Variants in TNN observed in about 807,000 individuals in gnomAD.
The protein encoded by TNN is tenascin N.
TNN carries 122 observed loss-of-function variants against 134.4 expected under a neutral mutation model. The ratio of observed to expected loss-of-function variants is 0.91; its 90% CI spans 0.78 to 1.06. The LOEUF (loss-of-function observed/expected upper bound fraction) is 1.06, where lower values mean the gene tolerates loss of function less well. TNN is among the 50% of genes least tolerant of loss of function. The pLI is 0.00. For synonymous variants in TNN, 710 were observed against 670.3 expected (o/e 1.06, Z -0.91); for missense variants, 1,739 against 1,699.4 (o/e 1.02, Z -0.41).
intron 11 of TNN, 130 bp downstream of exon 11, chr1:175,118,954 G>A: frequency 1.6e-6 from 2 of 1,273,074 alleles, no homozygotes; most frequent in South Asian, 1.5e-5. Context: ...AGAGTTTGCT[G>A]TAAAAACAAA....
intron 10 of TNN, among the ~76,000 whole-genome samples, chr1:175,117,964 T>A (rs1054486362): frequency 4.6e-5 from 7 of 152,232 alleles, no homozygotes; most frequent in African/African-American, 1.7e-4. Flanking sequence ...GATGAGTGAA[T>A]CTATGATATG....
intron 11 of TNN, 137 bp from the exon 12 acceptor site, chr1:175,123,263 G>A: frequency 1.0e-6 from 1 of 986,910 alleles, no homozygotes; most frequent in Non-Finnish European, 1.5e-6. Flanking sequence ...GGAGACCAGG[G>A]GCCTTTGACT....
intron 1 of TNN, among the ~76,000 whole-genome samples, chr1:175,076,174 C>T (rs1251390403): frequency 6.6e-6 from 1 of 152,028 alleles, no homozygotes; most frequent in Non-Finnish European, 1.5e-5. Context: ...GTTGGGGGCA[C>T]AAGGGGAAAT....
intron 18 of TNN, among the ~76,000 whole-genome samples, chr1:175,144,894 C>A (rs1309607641): frequency 6.6e-6 from 1 of 152,342 alleles, no homozygotes; most frequent in East Asian, 1.9e-4. Flanking sequence ...CAAAATAACA[C>A]AGACCAGGTG....
intron 16 of TNN, among the ~76,000 whole-genome samples, chr1:175,136,274 A>G (rs578172688): frequency 1.3e-5 from 2 of 152,320 alleles, no homozygotes; most frequent in Non-Finnish European, 2.9e-5. Context: ...TCACTCTAGC[A>G]GTCTCTAAAA....
Position 175,080,213 on chromosome 1 carries a change from C to T in TNN, c.835C>T (p.Leu279=). The change falls in exon 4 of 19, where the codon CTG becomes TTG. Residue 279 remains leucine (L), a synonymous_variant. Transcript: ENST00000239462. The part of the protein sequence containing the change: ...QLLKNTEDSL[L]VSWEPSSQVD... The stretch of plus-strand genomic sequence containing the variant: ...GCTCAAGAACACGGAGGATTCTCTG[C>T]TGGTGAGCTGGGAGCCCTCCAGCCA... 6.2e-7 allele frequency: 1 copy of T among 1,614,124 alleles called. No homozygotes were observed. Among genetic ancestry groups the T allele is most frequent in the Non-Finnish European group, 8.5e-7 (1 of 1,180,006 alleles).
At position 175,126,955 on chromosome 1, in the gene TNN, A is replaced by T. The variant is rs1391411578; in HGVS notation, c.2915A>T (p.Glu972Val). The T allele has an allele frequency of 6.2e-7, 1 of 1,610,558 alleles. No individual in the cohort carries two copies. Among genetic ancestry groups the T allele is most frequent in the Non-Finnish European group, 8.5e-7 (1 of 1,179,042 alleles). ...SKKADTKAQT[E>V]LDPPRNLRPS... is the part of the protein sequence containing the mutation. ...CAATTACCTGACTTTCTACGTACAG[A>T]ACTCGACCCTCCCAGAAACCTTCGT... The change falls in exon 13 of 19, where the codon GAA becomes GTA. Residue 972 changes from glutamate to valine, a missense_variant and splice_region_variant. Coordinates refer to ENST00000239462, the MANE Select transcript of TNN (RefSeq NM_022093.2).
At position 175,117,286 on chromosome 1, in the gene TNN, A is replaced by G. The variant is rs552040175; in HGVS notation, c.2386+81A>G. On this transcript the variant is annotated intron_variant, in intron 10 of 18. Transcript: ENST00000239462. ...ACAAGTTTTGTTTTCCTTCTCTGAC[A>G]TTGGCAGAAGTCAATGATTAATGGA... 3.8e-6 allele frequency: 6 copies of G among 1,591,916 alleles called. 1 individual carries two copies. In the Admixed American group the frequency reaches 5.7e-5, roughly 15 times the overall value.
chr1:175,123,388 C>A lies in TNN; in HGVS notation c.2651-12C>A, dbSNP rs1398552450. The A allele has an allele frequency of 2.0e-5, 32 of 1,612,758 alleles. No homozygotes were observed. The highest frequency in any genetic ancestry group is 2.7e-5 in the Non-Finnish European group (32 of 1,179,648). On this transcript the variant is annotated splice_polypyrimidine_tract_variant and intron_variant, in intron 11 of 18. Coordinates refer to ENST00000239462, the MANE Select transcript of TNN (RefSeq NM_022093.2). ...TTCTAAAGTTCAGCCTTTTCTAAAT[C>A]TTTTTAAAAAGAAATTGACGGCCCC... is the stretch of plus-strand genomic sequence containing the variant.
intron 15 of TNN, among the ~76,000 whole-genome samples, chr1:175,133,314 G>A (rs1675720026): frequency 6.6e-6 from 1 of 152,166 alleles, no homozygotes. Flanking sequence ...TTGGTGAATG[G>A]CACCCAACTC....
intron 1 of TNN, 43 bp from the exon 2 acceptor site, chr1:175,077,341 A>T (rs74128565): frequency 6.8e-7 from 1 of 1,464,916 alleles, no homozygotes; most frequent in South Asian, 1.4e-5. Flanking sequence ...AGCTTCCCTC[A>T]GCACATCTCC....
At chr1:175,075,526 C>A (rs1674020244) in intron 1 of TNN, among the ~76,000 whole-genome samples, 1 of 152,142 alleles carries the variant, frequency 6.6e-6, no homozygotes, top group Non-Finnish European at 1.5e-5. Flanking sequence ...GAACTCCTGG[C>A]CTCAAGTGAT....
At chr1:175,098,730 C>T (rs1674641431) in intron 9 of TNN, 135 bp downstream of exon 9, 3 of 1,284,590 alleles carry the variant, frequency 2.3e-6, no homozygotes, top group Non-Finnish European at 3.2e-6. Context: ...ACATTGTGTC[C>T]CCCTCACTTC....
chr1:175,102,429 G>T (rs1043093767), intron 9 of TNN, among the ~76,000 whole-genome samples: 2 of 146,186 alleles, frequency 1.4e-5, no homozygotes, highest in African/African-American at 4.9e-5. Flanking sequence ...CGGGCTGCAG[G>T]TCCCGAGTCC....
intron 12 of TNN, among the ~76,000 whole-genome samples, chr1:175,125,312 C>G (rs1675478270): frequency 6.6e-6 from 1 of 151,978 alleles, no homozygotes; most frequent in Non-Finnish European, 1.5e-5. Flanking sequence ...AAATAACCTT[C>G]TATGATAATG....
intron 17 of TNN, among the ~76,000 whole-genome samples, chr1:175,137,839 A>G (rs574006400): frequency 9.8e-5 from 15 of 152,382 alleles, no homozygotes; most frequent in African/African-American, 3.6e-4. Context: ...TGTATAAGAC[A>G]TGGCGGTCTC....
chr1:175,128,875 G>T, intron 15 of TNN, 129 bp downstream of exon 15: 1 of 1,063,992 alleles, frequency 9.4e-7, no homozygotes, highest in Non-Finnish European at 1.2e-6. Context: ...GAGGAGTTTT[G>T]GTGGCTTGTA....
At chr1:175,102,662 T>C (rs6678101) in intron 9 of TNN, among the ~76,000 whole-genome samples, 86,828 of 144,016 alleles carry the variant, frequency 0.6, 32,424 homozygotes, top group African/African-American at 0.89. Flanking sequence ...TGCGCAGCCC[T>C]GGTTCCCACT....
At chr1:175,142,572 G>A (rs911622719) in intron 17 of TNN, among the ~76,000 whole-genome samples, 4 of 152,128 alleles carry the variant, frequency 2.6e-5, no homozygotes, top group African/African-American at 7.2e-5. Flanking sequence ...TGTAGTTTCC[G>A]GTTCTGTAGG....
Sources: gnomAD v4.1 joint callset for allele counts (sites outside exome capture counted in the v4.1 genomes callset) on GRCh38, gnomAD v4.1.1 for gene constraint, MANE v1.5 for transcripts, NCBI Gene and HGNC (gene_info 2026-07-23, HGNC 2026-07-21) for gene names.